TGFBRAP1: variants seen among roughly 807,000 people sequenced by gnomAD.
TGFBRAP1 encodes transforming growth factor beta receptor associated protein 1, also known as transforming growth factor-beta receptor-associated protein 1.
A neutral mutation model predicts 83.2 loss-of-function variants in TGFBRAP1; 20 were observed. That is an observed-to-expected ratio of 0.24 (90% CI 0.17 to 0.35). The LOEUF (loss-of-function observed/expected upper bound fraction) is 0.35. Among genes scored for constraint, TGFBRAP1 ranks in the 10% least tolerant of loss-of-function variants. TGFBRAP1 has a pLI of 1.00. For synonymous variants in TGFBRAP1, 415 were observed against 459.8 expected, an observed-to-expected ratio of 0.90 and a Z score of 1.25; for missense variants, 950 against 1,099.4, an observed-to-expected ratio of 0.86 and a Z score of 1.92.
At chr2:105,294,968 T>TTCTC (rs1678034420) in intron 4 of TGFBRAP1, among the ~76,000 whole-genome samples, 1 of 151,992 alleles carries the variant, frequency 6.6e-6, no homozygotes, top group Non-Finnish European at 1.5e-5. Context: ...GAGAAGGGGC[T>TTCTC]GAGAGCACAT....
At chr2:105,252,694 T>C in the TGFBRAP1 span, among the ~76,000 whole-genome samples, 2 of 151,440 alleles carry the variant, frequency 1.3e-5, no homozygotes, top group East Asian at 3.9e-4. Flanking sequence ...TCCTTCTCCT[T>C]AAACCATGCA....
chr2:105,275,595 C>A lies in TGFBRAP1; in HGVS notation c.1630G>T (p.Ala544Ser), dbSNP rs1354136956. 2.5e-6 allele frequency: 4 copies of A among 1,614,164 alleles called. No individual in the cohort carries two copies. Among genetic ancestry groups the A allele is most frequent in the Non-Finnish European group, 3.4e-6 (4 of 1,180,036 alleles). The change falls in exon 8 of 12, where the codon GCC becomes TCC. Residue 544 changes from alanine (A) to serine (S), a missense_variant. Ala to Ser is a moderately conservative substitution (Grantham distance 99). Coordinates refer to ENST00000393359, the MANE Select transcript of TGFBRAP1 (RefSeq NM_004257.6). ...TTCTGCAGGACCCAATCAGCATAGG[C>A]CCACACTAGTTCCTCGTCTAAGCAG... ...TYCLDEELVW[A>S]YADWVLQKSE...
chr2:105,250,753 G>A, the TGFBRAP1 span, among the ~76,000 whole-genome samples: 1 of 152,190 alleles, frequency 6.6e-6, no homozygotes, highest in African/African-American at 2.4e-5. Context: ...CAACCTCCCT[G>A]CCTGATTCTC....
At chr2:105,282,500 T>A (rs1198007351) in intron 5 of TGFBRAP1, among the ~76,000 whole-genome samples, 1 of 152,198 alleles carries the variant, frequency 6.6e-6, no homozygotes. Flanking sequence ...GGAAGTGGAA[T>A]CATCTTTGTC....
At chr2:105,321,239 T>C (rs1402144926) in intron 1 of TGFBRAP1, among the ~76,000 whole-genome samples, 1 of 152,116 alleles carries the variant, frequency 6.6e-6, no homozygotes, top group Non-Finnish European at 1.5e-5. Context: ...CGGTCTCGGC[T>C]CACTGCAACC....
intron 1 of TGFBRAP1, among the ~76,000 whole-genome samples, chr2:105,316,914 A>C (rs977757556): frequency 6.6e-6 from 1 of 152,156 alleles, no homozygotes; most frequent in African/African-American, 2.4e-5. Flanking sequence ...ATATAATCAA[A>C]AACCGTGGTA....
Position 105,272,919 on chromosome 2 carries a change from C to G in TGFBRAP1, c.1908G>C (p.Glu636Asp), listed in dbSNP as rs771259456. ...GCAGCCGCCGCAGCTTGGCCTGCGT[C>G]TCGGTGGCCTCTGCACCCTTGCCAC... ...SASGKGAEAT[E>D]TQAKLRRLLQ... Residue 636 changes from glutamate (E) to aspartate (D), a missense_variant, in exon 10 of 12, where the codon GAG becomes GAC. Glu to Asp is a conservative substitution (Grantham distance 45). Coordinates refer to ENST00000393359, the MANE Select transcript of TGFBRAP1 (RefSeq NM_004257.6). 1.2e-6 allele frequency: 2 copies of G among 1,610,842 alleles called. No homozygotes were observed. The highest frequency in any genetic ancestry group is 3.3e-5 in the Admixed American group (2 of 59,984).
At chr2:105,271,747 G>A (rs1677160965) in intron 10 of TGFBRAP1, among the ~76,000 whole-genome samples, 1 of 152,204 alleles carries the variant, frequency 6.6e-6, no homozygotes, top group Non-Finnish European at 1.5e-5. Context: ...TGTGGATTCT[G>A]TATTTACAAA....
chr2:105,262,945 A>G (rs1423294579), downstream of TGFBRAP1, among the ~76,000 whole-genome samples: 1 of 152,200 alleles, frequency 6.6e-6, no homozygotes, highest in Non-Finnish European at 1.5e-5. Context: ...ATTCTTGTAC[A>G]ATTTCGTTTC....
chr2:105,296,203 C>T (rs1361782680), intron 4 of TGFBRAP1, among the ~76,000 whole-genome samples, 153 bp downstream of exon 4: 2 of 152,176 alleles, frequency 1.3e-5, no homozygotes, highest in African/African-American at 4.8e-5. Context: ...TCCTTATCTA[C>T]ACAATATGTA....
At chr2:105,315,869 T>C (rs929490367) in intron 1 of TGFBRAP1, among the ~76,000 whole-genome samples, 2 of 152,198 alleles carry the variant, frequency 1.3e-5, no homozygotes, top group East Asian at 1.9e-4. Flanking sequence ...TATATATCTA[T>C]ATCCACAAAA....
chr2:105,298,793 T>C, intron 2 of TGFBRAP1, 88 bp from the exon 3 acceptor site: 2 of 1,282,670 alleles, frequency 1.6e-6, no homozygotes, highest in South Asian at 3.2e-5. Context: ...GACCGACCCC[T>C]GCCCACCAGC....
intron 10 of TGFBRAP1, among the ~76,000 whole-genome samples, chr2:105,270,918 G>A (rs750659825): frequency 3.9e-5 from 6 of 152,216 alleles, no homozygotes; most frequent in African/African-American, 9.6e-5. Flanking sequence ...GGCTGGAATC[G>A]TTTTTACAAC....
intron 1 of TGFBRAP1, among the ~76,000 whole-genome samples, chr2:105,318,157 A>G (rs569338214): frequency 1.1e-4 from 16 of 152,196 alleles, no homozygotes; most frequent in Admixed American, 1.3e-4. Context: ...GGGCAAAGAA[A>G]GTCCACAGCA....
At chr2:105,320,644 C>A (rs952987784) in intron 1 of TGFBRAP1, among the ~76,000 whole-genome samples, 2 of 152,220 alleles carry the variant, frequency 1.3e-5, no homozygotes, top group South Asian at 2.1e-4. Flanking sequence ...CCTCAGCCAA[C>A]CTTTCCTCCT....
At chr2:105,302,374 C>A (rs1185888278) in intron 2 of TGFBRAP1, among the ~76,000 whole-genome samples, 1 of 152,102 alleles carries the variant, frequency 6.6e-6, no homozygotes, top group Admixed American at 6.6e-5. Context: ...CACACATACA[C>A]ACAAATATAA....
chr2:105,282,758 C>T lies in TGFBRAP1; in HGVS notation c.1121+1558G>A, dbSNP rs949063242. Among the ~76,000 whole-genome samples the T allele has an allele frequency of 1.2e-4, 18 of 150,380 alleles. No homozygotes were observed. In the South Asian group the frequency reaches 2.3e-3, roughly 19 times the overall value. On this transcript the variant is annotated intron_variant, in intron 5 of 11. Transcript: ENST00000393359. ...AGGAAGATCATTGAGCCCAGAAGGT[C>T]GAGGCTGCGGTGAGCTATGATTGCA... is the stretch of plus-strand genomic sequence containing the variant.
chr2:105,278,326 A>G (rs748316584), intron 6 of TGFBRAP1, among the ~76,000 whole-genome samples: 1 of 152,196 alleles, frequency 6.6e-6, no homozygotes, highest in Non-Finnish European at 1.5e-5. Flanking sequence ...GTCTACTACT[A>G]TTAACCCACA....
At chr2:105,261,816 C>A (rs1676794199), downstream of TGFBRAP1, among the ~76,000 whole-genome samples, 2 of 152,108 alleles carry the variant, frequency 1.3e-5, no homozygotes, top group South Asian at 2.1e-4. Context: ...CAACTGAAAA[C>A]CACTTGAAAA....
Sources: allele counts gnomAD v4.1 joint callset (sites outside exome capture counted in the v4.1 genomes callset), GRCh38; gene constraint gnomAD v4.1.1; transcripts MANE v1.5; gene names NCBI Gene and HGNC (gene_info 2026-07-23, HGNC 2026-07-21).